LRRK1: variants seen among roughly 807,000 people sequenced by gnomAD.
LRRK1 encodes leucine-rich repeat serine/threonine-protein kinase 1.
LRRK1 carries 113 observed loss-of-function variants against 209.1 expected under a neutral mutation model. The ratio of observed to expected loss-of-function variants is 0.54; its 90% CI spans 0.46 to 0.63. The LOEUF (loss-of-function observed/expected upper bound fraction) is 0.63. Ranked by LOEUF, LRRK1 falls within the 30% of genes least tolerant of loss-of-function variation. LRRK1 has a pLI of 0.00. For synonymous variants in LRRK1, 1,144 were observed against 1,099.7 expected (o/e 1.04, Z -0.80); for missense variants, 2,284 against 2,632.2 (o/e 0.87, Z 2.89).
chr15:100,960,544 C>CT (rs1356261668), intron 2 of LRRK1, among the ~76,000 whole-genome samples: 1 of 152,026 alleles, frequency 6.6e-6, no homozygotes, highest in Non-Finnish European at 1.5e-5. Flanking sequence ...GATGGTTCTC[C>CT]TTTTTTTACC....
chr15:100,967,857 G>A (rs2030571047), intron 2 of LRRK1, among the ~76,000 whole-genome samples: 1 of 152,290 alleles, frequency 6.6e-6, no homozygotes, highest in Non-Finnish European at 1.5e-5. Context: ...ACTGTAGCAT[G>A]CATAGTATGG....
In LRRK1 at chr15:101,051,758, G is replaced by C. The variant is rs761113327; in HGVS notation, c.3487G>C (p.Val1163Leu). The change falls in exon 24 of 34, where the codon GTG (valine) becomes CTG (leucine). Residue 1163 changes from valine (V) to leucine (L), a missense_variant. Coordinates refer to ENST00000388948, the MANE Select transcript of LRRK1 (RefSeq NM_024652.6). ...CGGGACGCCACTCATGGAGCAGTAC[G>C]TGCCCTGCCCGGTCTGCGAGACAGC... The part of the protein sequence containing the change: ...SDGTPLMEQY[V>L]PCPVCETAWA... 6.2e-7 allele frequency: 1 copy of C among 1,613,990 alleles called. No homozygotes were observed.
intron 3 of LRRK1, among the ~76,000 whole-genome samples, chr15:100,974,666 T>C (rs539871175): frequency 4.6e-5 from 7 of 152,358 alleles, no homozygotes; most frequent in Non-Finnish European, 8.8e-5. Flanking sequence ...ATATAAACGA[T>C]GCTCTATTGA....
chr15:101,041,131 C>A (rs1485826705), intron 20 of LRRK1, among the ~76,000 whole-genome samples: 1 of 152,036 alleles, frequency 6.6e-6, no homozygotes, highest in Non-Finnish European at 1.5e-5. Context: ...ACCCTTTTTT[C>A]ATTATACAAT....
At chr15:100,979,040 G>A (rs1352231696) in intron 3 of LRRK1, among the ~76,000 whole-genome samples, 1 of 152,114 alleles carries the variant, frequency 6.6e-6, no homozygotes, top group African/African-American at 2.4e-5. Flanking sequence ...GGAATTATAA[G>A]CCATGACCAA....
chr15:100,941,217 T>G lies in LRRK1; in HGVS notation c.97+16488T>G, dbSNP rs1358196167. Among the ~76,000 whole-genome samples, 6 of 151,312 alleles carry G rather than the reference T, an allele frequency of 4.0e-5. No individual in the cohort carries two copies. The East Asian group carries it at 1.2e-3, about 29-fold the overall frequency. ...ATGTGTGTTTCTGTGTGTGTCTGTATGTGTCTGTGTGTGTGTCTGTGTGTG... is the reference window on the plus strand; with the variant it reads ...ATGTGTGTTTCTGTGTGTGTCTGTAGGTGTCTGTGTGTGTGTCTGTGTGTG... On this transcript the variant is annotated intron_variant, in intron 2 of 33. Coordinates refer to ENST00000388948, the MANE Select transcript of LRRK1 (RefSeq NM_024652.6).
intron 2 of LRRK1, among the ~76,000 whole-genome samples, chr15:100,960,752 A>G (rs2029889000): frequency 6.6e-6 from 1 of 152,234 alleles, no homozygotes; most frequent in Non-Finnish European, 1.5e-5. Context: ...ATATTTGTAG[A>G]ACGAATGAGC....
intron 1 of LRRK1, among the ~76,000 whole-genome samples, chr15:100,921,018 A>G (rs1261901353): frequency 6.6e-6 from 1 of 152,102 alleles, no homozygotes; most frequent in Non-Finnish European, 1.5e-5. Context: ...TCACCCTCTG[A>G]AAACCCACGC....
At chr15:100,940,195 A>C (rs1474959770) in intron 2 of LRRK1, among the ~76,000 whole-genome samples, 1 of 152,100 alleles carries the variant, frequency 6.6e-6, no homozygotes, top group Non-Finnish European at 1.5e-5. Flanking sequence ...TTGTGTTCTC[A>C]CATGTCCTGC....
intron 6 of LRRK1, among the ~76,000 whole-genome samples, chr15:100,999,064 A>G (rs2032566051): frequency 6.6e-6 from 1 of 152,228 alleles, no homozygotes; most frequent in South Asian, 2.1e-4. Context: ...TTTATTTACA[A>G]GTTGAGAAAA....
intron 6 of LRRK1, among the ~76,000 whole-genome samples, chr15:101,007,230 T>G (rs180903455): frequency 1.3e-5 from 2 of 152,330 alleles, no homozygotes; most frequent in Non-Finnish European, 2.9e-5. Context: ...TCTCGTAGCC[T>G]CTGCTTGTTA....
At position 101,068,738 on chromosome 15, in the gene LRRK1, G is replaced by C. The variant is rs757416596; in HGVS notation, c.5938G>C (p.Glu1980Gln). ...VVCTFENENT[E>Q]WCLAVWRGWG... ...GTGCACCTTTGAAAATGAAAACACAGAGTGGTGCCTGGCCGTCTGGAGGGG... is the reference window on the plus strand; with the variant it reads ...GTGCACCTTTGAAAATGAAAACACACAGTGGTGCCTGGCCGTCTGGAGGGG... Residue 1980 changes from glutamate to glutamine, a missense_variant, in exon 34 of 34, where the codon GAG (glutamate) becomes CAG (glutamine). Coordinates refer to ENST00000388948, the MANE Select transcript of LRRK1 (RefSeq NM_024652.6). 1.9e-6 allele frequency: 3 copies of C among 1,613,964 alleles called. No individual in the cohort carries two copies. The Admixed American group carries it at 5.0e-5, about 27-fold the overall frequency.
chr15:100,993,356 A>G (rs2032249419), intron 6 of LRRK1, among the ~76,000 whole-genome samples: 1 of 152,242 alleles, frequency 6.6e-6, no homozygotes, highest in African/African-American at 2.4e-5. Context: ...ATAGATATAT[A>G]GAGATGTACA....
At chr15:101,042,515 G>A (rs866420613) in intron 20 of LRRK1, among the ~76,000 whole-genome samples, 16 of 151,950 alleles carry the variant, frequency 1.1e-4, no homozygotes, top group Non-Finnish European at 1.5e-4. Context: ...CGAGAGCTCT[G>A]CCACCATCCT....
chr15:100,959,752 T>A (rs1018012172), intron 2 of LRRK1, among the ~76,000 whole-genome samples: 2 of 152,234 alleles, frequency 1.3e-5, no homozygotes, highest in African/African-American at 4.8e-5. Flanking sequence ...TACAAGAAGA[T>A]GATAATATTC....
At chr15:101,013,989 T>TTTCCCCAGAGAGA (rs1469204992) in intron 10 of LRRK1, among the ~76,000 whole-genome samples, 1 of 152,110 alleles carries the variant, frequency 6.6e-6, no homozygotes, top group Non-Finnish European at 1.5e-5. Context: ...AGTCTGGCAC[T>TTTCCCCAGAGAGA]TTCCCCAGAG....
chr15:100,929,504 G>A (rs1335090643), intron 2 of LRRK1, among the ~76,000 whole-genome samples: 1 of 152,182 alleles, frequency 6.6e-6, no homozygotes, highest in African/African-American at 2.4e-5. Context: ...CTTAATATAG[G>A]AGCTAAGAGG....
At chr15:101,041,619 T>C (rs979588378) in intron 20 of LRRK1, among the ~76,000 whole-genome samples, 2 of 152,220 alleles carry the variant, frequency 1.3e-5, no homozygotes, top group African/African-American at 4.8e-5. Flanking sequence ...TTGAATTAAA[T>C]GCAAAAACCT....
At chr15:100,938,741 A>G (rs183259472) in intron 2 of LRRK1, among the ~76,000 whole-genome samples, 99 of 152,272 alleles carry the variant, frequency 6.5e-4, no homozygotes, top group Middle Eastern at 3.4e-3. Flanking sequence ...ATGTATGCCC[A>G]CAATAGCATG....
Sources: allele counts gnomAD v4.1 joint callset (sites outside exome capture counted in the v4.1 genomes callset), GRCh38; gene constraint gnomAD v4.1.1; transcripts MANE v1.5; gene names NCBI Gene and HGNC (gene_info 2026-07-23, HGNC 2026-07-21).